The following DSCAM variants were observed in gnomAD, a reference collection of about 807,000 sequenced individuals.
DSCAM encodes cell adhesion molecule DSCAM.
In DSCAM, 47 loss-of-function variants were observed where a neutral mutation model predicts 217.7. The observed-to-expected ratio is 0.22, with a 90% CI of 0.17 to 0.28. DSCAM has a LOEUF of 0.28. Among genes scored for constraint, DSCAM ranks in the 10% least tolerant of loss-of-function variants. The pLI is 1.00. For missense variants in DSCAM, 2,080 were observed against 2,618.3 expected (o/e 0.79, Z 4.49); for synonymous variants, 1,056 against 1,015.3 (o/e 1.04, Z -0.76).
At chr21:40,312,390 T>C (rs759001131) in intron 8 of DSCAM, 31 bp from the exon 9 acceptor site, 5 of 1,605,800 alleles carry the variant, frequency 3.1e-6, no homozygotes, top group Non-Finnish European at 4.3e-6. Context: ...AATAACGAAC[T>C]GTGCTTATTC....
chr21:40,047,839 C>T (rs995519699), intron 30 of DSCAM, among the ~76,000 whole-genome samples: 1 of 152,190 alleles, frequency 6.6e-6, no homozygotes, highest in Non-Finnish European at 1.5e-5. Context: ...TCCCTCAGGG[C>T]CACTGCTAGT....
chr21:40,480,242 A>G (rs1011320684), intron 3 of DSCAM, among the ~76,000 whole-genome samples: 1 of 152,184 alleles, frequency 6.6e-6, no homozygotes, highest in Admixed American at 6.5e-5. Flanking sequence ...GGCTCCTGTT[A>G]GAAAAGGAAA....
chr21:40,466,423 C>G (rs1050461915), intron 3 of DSCAM, among the ~76,000 whole-genome samples: 1 of 152,188 alleles, frequency 6.6e-6, no homozygotes, highest in African/African-American at 2.4e-5. Context: ...ACTTTAGACC[C>G]AAGCTTGAGA....
At chr21:40,217,253 G>A (rs1274676630) in intron 11 of DSCAM, among the ~76,000 whole-genome samples, 1 of 152,098 alleles carries the variant, frequency 6.6e-6, no homozygotes, top group Non-Finnish European at 1.5e-5. Flanking sequence ...ATGCAGAAAA[G>A]TATAAAAAAG....
intron 1 of DSCAM, among the ~76,000 whole-genome samples, chr21:40,823,461 A>G (rs1381892993): frequency 6.6e-6 from 1 of 152,164 alleles, no homozygotes; most frequent in Non-Finnish European, 1.5e-5. Flanking sequence ...ACATTTTTAA[A>G]CTTAAAATTT....
At chr21:40,666,732 A>G (rs1232839143) in intron 3 of DSCAM, among the ~76,000 whole-genome samples, 1 of 152,236 alleles carries the variant, frequency 6.6e-6, no homozygotes, top group Non-Finnish European at 1.5e-5. Flanking sequence ...CTTCAGGTCT[A>G]TGGGACCAGT....
At chr21:40,141,667 G>A (rs13046479) in intron 18 of DSCAM, among the ~76,000 whole-genome samples, 65,675 of 151,862 alleles carry the variant, frequency 0.43, 17,210 homozygotes, top group South Asian at 0.59. Context: ...GTCCAGTGAC[G>A]GGGGGTGCAG....
intron 11 of DSCAM, among the ~76,000 whole-genome samples, chr21:40,191,922 A>G (rs1225434004): frequency 6.6e-6 from 1 of 152,158 alleles, no homozygotes; most frequent in African/African-American, 2.4e-5. Flanking sequence ...TTTAGGACCT[A>G]CCCTAATGCA....
intron 18 of DSCAM, among the ~76,000 whole-genome samples, chr21:40,138,929 G>T (rs1385327882): frequency 6.9e-6 from 1 of 144,446 alleles, no homozygotes. Flanking sequence ...GTGTGGTGTG[G>T]TACATGGTGT....
chr21:40,827,468 C>CAAA (rs55906607), intron 1 of DSCAM, among the ~76,000 whole-genome samples: 19,127 of 55,656 alleles, frequency 0.34, 1,722 homozygotes, highest in Non-Finnish European at 0.46. Flanking sequence ...GTCCATGTCT[C>CAAA]AAAAAAAAAA....
intron 16 of DSCAM, among the ~76,000 whole-genome samples, chr21:40,156,616 G>A (rs1357624771): frequency 1.3e-5 from 2 of 152,204 alleles, no homozygotes; most frequent in Admixed American, 6.5e-5. Flanking sequence ...ACTGGGTAAT[G>A]AGCTGAGGTT....
chr21:40,272,952 G>A (rs1279295845), intron 11 of DSCAM, among the ~76,000 whole-genome samples: 1 of 151,984 alleles, frequency 6.6e-6, no homozygotes, highest in African/African-American at 2.4e-5. Flanking sequence ...GGCCATTAGA[G>A]TTGCTAAAGA....
At chr21:40,412,023 T>A (rs1011652833) in intron 3 of DSCAM, among the ~76,000 whole-genome samples, 2 of 152,190 alleles carry the variant, frequency 1.3e-5, no homozygotes, top group Non-Finnish European at 2.9e-5. Context: ...ATCTGATGGT[T>A]TGATAAGGGG....
chr21:40,117,314 G>T (rs920226937), intron 20 of DSCAM, among the ~76,000 whole-genome samples: 1 of 152,122 alleles, frequency 6.6e-6, no homozygotes, highest in Non-Finnish European at 1.5e-5. Context: ...TAACAATAAC[G>T]CAAGAGATTG....
At chr21:40,794,246 A>C (rs2091671612) in intron 1 of DSCAM, among the ~76,000 whole-genome samples, 1 of 152,186 alleles carries the variant, frequency 6.6e-6, no homozygotes, top group Admixed American at 6.5e-5. Context: ...GCAATAAAGA[A>C]GCAATAAGTG....
At chr21:40,687,853 T>C (rs1449819218) in intron 3 of DSCAM, among the ~76,000 whole-genome samples, 1 of 152,110 alleles carries the variant, frequency 6.6e-6, no homozygotes, top group Non-Finnish European at 1.5e-5. Flanking sequence ...AAACCATCTC[T>C]GCAGGGGCCT....
At chr21:40,597,669 G>C (rs977677168) in intron 3 of DSCAM, among the ~76,000 whole-genome samples, 2 of 151,886 alleles carry the variant, frequency 1.3e-5, no homozygotes, top group Non-Finnish European at 2.9e-5. Context: ...ACCACGCCCA[G>C]CTAATTTTTT....
intron 20 of DSCAM, among the ~76,000 whole-genome samples, chr21:40,094,355 T>G (rs2089650455): frequency 6.6e-6 from 1 of 152,120 alleles, no homozygotes; most frequent in African/African-American, 2.4e-5. Context: ...AATAGAGAGC[T>G]CCACCTCCTC....
chr21:40,207,764 G>A (rs984249763), intron 11 of DSCAM, among the ~76,000 whole-genome samples: 1 of 152,116 alleles, frequency 6.6e-6, no homozygotes, highest in African/African-American at 2.4e-5. Context: ...TTATCTCACA[G>A]TCCTGGAGGC....
Sources: allele counts gnomAD v4.1 joint callset (sites outside exome capture counted in the v4.1 genomes callset), GRCh38; gene constraint gnomAD v4.1.1; transcripts MANE v1.5; gene names NCBI Gene and HGNC (gene_info 2026-07-23, HGNC 2026-07-21).